Variants in LRMDA observed in about 807,000 individuals in gnomAD.
LRMDA encodes the protein leucine rich melanocyte differentiation associated, also known as leucine-rich melanocyte differentiation-associated protein.
LRMDA carries 18 observed loss-of-function variants against 29.8 expected under a neutral mutation model. The ratio of observed to expected loss-of-function variants is 0.60; its 90% CI spans 0.42 to 0.90. The LOEUF (loss-of-function observed/expected upper bound fraction) is 0.90. Ranked by LOEUF, LRMDA falls within the 40% of genes least tolerant of loss-of-function variation. The probability of loss-of-function intolerance (pLI) is 0.00; values close to 1 mark genes in which losing one functional copy is unlikely to be tolerated. For missense variants in LRMDA, 273 were observed against 273.9 expected, an observed-to-expected ratio of 1.00 and a Z score of 0.02; for synonymous variants, 125 against 109.4, an observed-to-expected ratio of 1.14 and a Z score of -0.89.
At chr10:75,877,327 G>A (rs1373104160) in intron 2 of LRMDA, among the ~76,000 whole-genome samples, 3 of 152,196 alleles carry the variant, frequency 2.0e-5, no homozygotes, top group Non-Finnish European at 4.4e-5. Context: ...GGAGGTGTCT[G>A]CCTTCCAGCA....
At chr10:76,380,972 C>G (rs1223983366) in intron 6 of LRMDA, among the ~76,000 whole-genome samples, 1 of 147,350 alleles carries the variant, frequency 6.8e-6, no homozygotes. Context: ...TGTTAAAATA[C>G]TAATGTATGT....
chr10:76,421,020 T>C (rs1230639906), intron 6 of LRMDA, among the ~76,000 whole-genome samples: 1 of 152,184 alleles, frequency 6.6e-6, no homozygotes, highest in African/African-American at 2.4e-5. Flanking sequence ...TGTGTGTATA[T>C]ACATGTGCGT....
chr10:75,823,217 C>A (rs1038801004), intron 2 of LRMDA, among the ~76,000 whole-genome samples: 2 of 152,138 alleles, frequency 1.3e-5, no homozygotes, highest in African/African-American at 4.8e-5. Context: ...GACAATGCAT[C>A]TGACAAAAGG....
chr10:75,915,561 T>C (rs1845919761), intron 2 of LRMDA, among the ~76,000 whole-genome samples: 1 of 152,198 alleles, frequency 6.6e-6, no homozygotes, highest in African/African-American at 2.4e-5. Context: ...CTTTTTAATT[T>C]AACAGTTGAG....
intron 2 of LRMDA, among the ~76,000 whole-genome samples, chr10:75,575,871 C>T (rs1022453262): frequency 1.3e-5 from 2 of 152,034 alleles, no homozygotes; most frequent in African/African-American, 4.8e-5. Context: ...ACCCACAGAC[C>T]AGGAGATTTA....
chr10:75,615,865 C>T (rs1841091733), intron 2 of LRMDA, among the ~76,000 whole-genome samples: 1 of 152,092 alleles, frequency 6.6e-6, no homozygotes. Flanking sequence ...TAATGGGTGT[C>T]ACAGGAAATG....
intron 5 of LRMDA, among the ~76,000 whole-genome samples, chr10:76,131,014 A>G (rs1184177218): frequency 6.6e-6 from 1 of 152,052 alleles, no homozygotes; most frequent in Non-Finnish European, 1.5e-5. Flanking sequence ...CAAGGGCATG[A>G]TTTTGATTAT....
chr10:76,035,834 CCG>C (rs1250307554), intron 2 of LRMDA, among the ~76,000 whole-genome samples, 172 bp from the exon 3 acceptor site: 1 of 152,156 alleles, frequency 6.6e-6, no homozygotes, highest in Non-Finnish European at 1.5e-5. Flanking sequence ...CCCTTCTCCC[CCG>C]CCGCCCCCGC....
chr10:75,757,828 C>A (rs949256677), intron 2 of LRMDA, among the ~76,000 whole-genome samples: 1 of 140,892 alleles, frequency 7.1e-6, no homozygotes, highest in Non-Finnish European at 1.5e-5. Context: ...AAGATGGAGT[C>A]GCACTCTGTC....
intron 2 of LRMDA, among the ~76,000 whole-genome samples, chr10:75,837,073 T>C (rs543243052): frequency 1.3e-5 from 2 of 152,270 alleles, no homozygotes; most frequent in African/African-American, 2.4e-5. Context: ...GATATACTGA[T>C]ATTGATATAG....
At chr10:76,173,421 A>G (rs1850873754) in intron 5 of LRMDA, among the ~76,000 whole-genome samples, 1 of 152,234 alleles carries the variant, frequency 6.6e-6, no homozygotes, top group South Asian at 2.1e-4. Flanking sequence ...GTTCTTTGAG[A>G]CTATTAATAA....
intron 2 of LRMDA, among the ~76,000 whole-genome samples, chr10:75,491,046 A>G (rs1844980864): frequency 6.6e-6 from 1 of 152,192 alleles, no homozygotes; most frequent in South Asian, 2.1e-4. Flanking sequence ...CATACCCCAT[A>G]CCATCAGGAA....
intron 2 of LRMDA, among the ~76,000 whole-genome samples, chr10:75,570,013 C>T (rs1268525218): frequency 6.6e-6 from 1 of 152,162 alleles, no homozygotes; most frequent in African/African-American, 2.4e-5. Flanking sequence ...TTGGGGTGTA[C>T]ACAGTATATT....
At chr10:75,843,930 G>A (rs1844587989) in intron 2 of LRMDA, among the ~76,000 whole-genome samples, 1 of 152,148 alleles carries the variant, frequency 6.6e-6, no homozygotes, top group African/African-American at 2.4e-5. Flanking sequence ...GGGAGGTGGT[G>A]CCAGAGGTAT....
At chr10:75,820,183 C>A (rs1844132821) in intron 2 of LRMDA, among the ~76,000 whole-genome samples, 1 of 152,162 alleles carries the variant, frequency 6.6e-6, no homozygotes, top group Admixed American at 6.5e-5. Context: ...AGACATTCTG[C>A]CTTACAACCA....
chr10:76,473,551 A>G (rs188057477), intron 6 of LRMDA, among the ~76,000 whole-genome samples: 2 of 151,522 alleles, frequency 1.3e-5, no homozygotes, highest in Non-Finnish European at 3.0e-5. Context: ...CTGGATGCAG[A>G]TTGGAAAGAA....
chr10:75,862,777 T>C (rs1040187505), intron 2 of LRMDA, among the ~76,000 whole-genome samples: 13 of 152,202 alleles, frequency 8.5e-5, no homozygotes, highest in Admixed American at 2.6e-4. Context: ...AGGGCTGTAA[T>C]TGATCCTTTC....
rs564511630 is a variant in LRMDA, at chr10:75,765,959, G to A, written c.132-270049G>A. On this transcript the variant is annotated intron_variant, in intron 2 of 6. Transcript: ENST00000611255. ...ATGCAATCAGATAGACAGGAGGAGC[G>A]CTCAGAATCCGTTATGTGAGGCTGA... is the stretch of plus-strand genomic sequence containing the variant. 5.9e-5 allele frequency among the ~76,000 whole-genome samples: 9 copies of A among 152,240 alleles called. No homozygotes were observed. In the South Asian group the frequency reaches 1.5e-3, roughly 25 times the overall value.
intron 2 of LRMDA, among the ~76,000 whole-genome samples, chr10:75,506,238 C>T (rs558585693): frequency 2.0e-5 from 3 of 152,214 alleles, no homozygotes; most frequent in South Asian, 2.1e-4. Context: ...CATGGCATTA[C>T]GCAGGTGTGA....
Sources: gnomAD v4.1 joint callset for allele counts (sites outside exome capture counted in the v4.1 genomes callset) on GRCh38, gnomAD v4.1.1 for gene constraint, MANE v1.5 for transcripts, NCBI Gene and HGNC (gene_info 2026-07-23, HGNC 2026-07-21) for gene names.